Variants in SPIDR observed in about 807,000 individuals in gnomAD.
SPIDR encodes scaffold protein involved in DNA repair.
Under a neutral mutation model 104.6 loss-of-function variants are expected in SPIDR, and 93 were observed. The observed-to-expected ratio is 0.89, with a 90% confidence interval of 0.75 to 1.06. SPIDR has a LOEUF of 1.06. Ranked by LOEUF, SPIDR falls within the 50% of genes least tolerant of loss-of-function variation. The pLI is 0.00. For synonymous variants in SPIDR, 431 were observed against 416.9 expected (o/e 1.03, Z -0.41); for missense variants, 1,154 against 1,111.2 (o/e 1.04, Z -0.55).
chr8:47,655,619 A>G (rs2072620850), intron 10 of SPIDR, among the ~76,000 whole-genome samples: 1 of 152,024 alleles, frequency 6.6e-6, no homozygotes. Context: ...TAGATTCTGG[A>G]TATTAGCCCT....
chr8:47,347,835 A>C (rs782520270), intron 5 of SPIDR, among the ~76,000 whole-genome samples: 1 of 151,868 alleles, frequency 6.6e-6, no homozygotes, highest in African/African-American at 2.4e-5. Context: ...TTTTGAGCCT[A>C]TGTGTGTCTT....
At chr8:47,334,750 A>T (rs114417833) in intron 5 of SPIDR, among the ~76,000 whole-genome samples, 1 of 152,296 alleles carries the variant, frequency 6.6e-6, no homozygotes, top group African/African-American at 2.4e-5. Flanking sequence ...GACTTTTAAA[A>T]TCATCATTGG....
At chr8:47,694,323 T>C (rs903648643) in intron 11 of SPIDR, among the ~76,000 whole-genome samples, 1 of 152,202 alleles carries the variant, frequency 6.6e-6, no homozygotes, top group African/African-American at 2.4e-5. Flanking sequence ...AAGTCTGTTG[T>C]CTCTGGCACG....
intron 16 of SPIDR, among the ~76,000 whole-genome samples, chr8:47,715,794 A>G (rs1046339327): frequency 3.3e-5 from 5 of 152,122 alleles, no homozygotes; most frequent in African/African-American, 9.7e-5. Flanking sequence ...TAAAGCTGCT[A>G]TGAATATTCA....
rs539435251 is a variant in SPIDR, at chr8:47,365,663, T to C, written c.526-30713T>C. ...TAGAATTTTTTGTTTACTCCTGTTT[T>C]AAGAGTTTTAAATTTTATTTAATTG... On this transcript the variant is annotated intron_variant, in intron 5 of 19. Coordinates refer to ENST00000297423, the MANE Select transcript of SPIDR (RefSeq NM_001080394.4). Among the ~76,000 whole-genome samples the C allele has an allele frequency of 2.0e-5, 3 of 152,320 alleles. No homozygotes were observed. In the South Asian group the frequency reaches 6.2e-4, roughly 32 times the overall value.
chr8:47,376,403 C>T (rs2058667302), intron 5 of SPIDR, among the ~76,000 whole-genome samples: 1 of 152,186 alleles, frequency 6.6e-6, no homozygotes, highest in Non-Finnish European at 1.5e-5. Flanking sequence ...TGCTTTTGGC[C>T]TTGGGAAGCC....
intron 5 of SPIDR, among the ~76,000 whole-genome samples, chr8:47,349,965 G>A (rs570434653): frequency 2.4e-4 from 36 of 152,272 alleles, no homozygotes; most frequent in Admixed American, 1.3e-3. Context: ...CTCACACTCC[G>A]TGGGCTGCAC....
intron 5 of SPIDR, among the ~76,000 whole-genome samples, chr8:47,351,061 A>G (rs1237964514): frequency 6.6e-6 from 1 of 152,170 alleles, no homozygotes; most frequent in Non-Finnish European, 1.5e-5. Flanking sequence ...CTGTTATCAG[A>G]TTGACTATCA....
At chr8:47,384,216 G>A (rs1224433104) in intron 5 of SPIDR, among the ~76,000 whole-genome samples, 7 of 152,124 alleles carry the variant, frequency 4.6e-5, no homozygotes, top group South Asian at 2.1e-4. Flanking sequence ...AGCCCCCTCA[G>A]TAAAGCAAAA....
At chr8:47,376,013 A>G (rs1393398643) in intron 5 of SPIDR, among the ~76,000 whole-genome samples, 1 of 152,136 alleles carries the variant, frequency 6.6e-6, no homozygotes, top group Admixed American at 6.5e-5. Context: ...TGACCTTAGG[A>G]TAGAATTATT....
rs539721091 is a variant in SPIDR, at chr8:47,378,504, T to A, written c.526-17872T>A. On this transcript the variant is annotated intron_variant, in intron 5 of 19. Transcript: ENST00000297423. ...AAATGTTATCTACATACATATAGAT[T>A]TTACTCTCTTATTCTTCTGGCTTCC... is the stretch of plus-strand genomic sequence containing the variant. Among the ~76,000 whole-genome samples, 36 of 152,334 alleles carry A rather than the reference T, an allele frequency of 2.4e-4. No homozygotes were observed. The South Asian group carries it at 6.8e-3, about 29-fold the overall frequency.
At chr8:47,351,363 T>A (rs1451729735) in intron 5 of SPIDR, among the ~76,000 whole-genome samples, 1 of 152,112 alleles carries the variant, frequency 6.6e-6, no homozygotes, top group Non-Finnish European at 1.5e-5. Context: ...AAAAGCAGTG[T>A]GAAGAAGGTA....
chr8:47,720,155 T>G (rs1469376166), intron 16 of SPIDR, among the ~76,000 whole-genome samples: 2 of 152,226 alleles, frequency 1.3e-5, no homozygotes, highest in Non-Finnish European at 2.9e-5. Flanking sequence ...GCAATATGCA[T>G]TTAAGGTTCC....
intron 16 of SPIDR, among the ~76,000 whole-genome samples, chr8:47,722,042 T>A (rs982980041): frequency 5.3e-5 from 8 of 152,010 alleles, no homozygotes; most frequent in African/African-American, 1.7e-4. Flanking sequence ...TATTTATATC[T>A]TCTTTGATAT....
At chr8:47,550,243 A>T (rs931941436) in intron 8 of SPIDR, among the ~76,000 whole-genome samples, 7 of 152,188 alleles carry the variant, frequency 4.6e-5, no homozygotes, top group Admixed American at 6.6e-5. Flanking sequence ...TGTCTTTGCT[A>T]TGCAGGCTCC....
intron 7 of SPIDR, among the ~76,000 whole-genome samples, chr8:47,438,881 A>C (rs1554694299): frequency 6.6e-6 from 1 of 152,198 alleles, no homozygotes; most frequent in African/African-American, 2.4e-5. Flanking sequence ...ATGAAAAAAA[A>C]GTGAGAGGGA....
At chr8:47,504,888 G>A (rs1425609705) in intron 8 of SPIDR, among the ~76,000 whole-genome samples, 6 of 152,212 alleles carry the variant, frequency 3.9e-5, no homozygotes, top group South Asian at 2.1e-4. Flanking sequence ...GGAGTTTGCC[G>A]GAGGTCCACT....
chr8:47,362,629 CAT>C (rs1450106413), intron 5 of SPIDR, among the ~76,000 whole-genome samples: 4 of 152,146 alleles, frequency 2.6e-5, no homozygotes, highest in African/African-American at 7.2e-5. Flanking sequence ...AATGAACACT[CAT>C]ATATGGTGTT....
chr8:47,324,909 C>T (rs1187044513), intron 5 of SPIDR, among the ~76,000 whole-genome samples: 1 of 152,118 alleles, frequency 6.6e-6, no homozygotes, highest in East Asian at 1.9e-4. Flanking sequence ...GGGTTGATTT[C>T]TCCTGAGGCC....
Sources: allele counts gnomAD v4.1 joint callset (sites outside exome capture counted in the v4.1 genomes callset), GRCh38; gene constraint gnomAD v4.1.1; transcripts MANE v1.5; gene names NCBI Gene and HGNC (gene_info 2026-07-23, HGNC 2026-07-21).